Variants in PSD3 observed in about 807,000 individuals in gnomAD.
The protein encoded by PSD3 is PH and SEC7 domain-containing protein 3.
A neutral mutation model predicts 105.5 loss-of-function variants in PSD3; 49 were observed. The observed-to-expected ratio is 0.46, with a 90% CI of 0.37 to 0.59. The LOEUF (loss-of-function observed/expected upper bound fraction) is 0.59, where lower values mean the gene tolerates loss of function less well. Among genes scored for constraint, PSD3 ranks in the 20% least tolerant of loss-of-function variants. The pLI is 0.00. For synonymous variants in PSD3, 557 were observed against 457.8 expected (o/e 1.22, Z -2.77); for missense variants, 1,561 against 1,263.8 (o/e 1.24, Z -3.57).
chr8:18,691,616 A>T (rs1800977619), intron 9 of PSD3, among the ~76,000 whole-genome samples: 2 of 152,268 alleles, frequency 1.3e-5, no homozygotes. Context: ...CTGTTCATCC[A>T]GATGAGTAAA....
At chr8:18,994,035 T>C (rs967305644) in intron 1 of PSD3, among the ~76,000 whole-genome samples, 1 of 151,980 alleles carries the variant, frequency 6.6e-6, no homozygotes, top group Admixed American at 6.6e-5. Context: ...GGAACCGGAC[T>C]GACTAGAGTT....
chr8:18,795,907 C>T (rs1810135346), intron 8 of PSD3, among the ~76,000 whole-genome samples: 1 of 151,988 alleles, frequency 6.6e-6, no homozygotes, highest in Non-Finnish European at 1.5e-5. Flanking sequence ...AACTTAGTTC[C>T]AATATAGCAA....
intron 14 of PSD3, among the ~76,000 whole-genome samples, chr8:18,570,901 C>T (rs1475917166): frequency 2.0e-5 from 3 of 148,748 alleles, no homozygotes; most frequent in African/African-American, 7.5e-5. Context: ...GCTCTGTCGC[C>T]CAGGCTGGAA....
At chr8:18,684,667 G>A (rs1250204638) in intron 9 of PSD3, among the ~76,000 whole-genome samples, 1 of 152,180 alleles carries the variant, frequency 6.6e-6, no homozygotes, top group Non-Finnish European at 1.5e-5. Flanking sequence ...GATATTTCAA[G>A]AGGAATTATG....
chr8:18,600,351 G>A lies in PSD3; in HGVS notation c.2481+13C>T. 1 of 1,603,122 alleles carries A rather than the reference G, an allele frequency of 6.2e-7. No individual in the cohort carries two copies. Among genetic ancestry groups the A allele is most frequent in the Non-Finnish European group, 8.5e-7 (1 of 1,171,392 alleles). The stretch of plus-strand genomic sequence containing the variant: ...ATCGAGTTTTGTGGATTTTTTATCT[G>A]CTTTACTTTTACCTTTTGCAAGTAA... On this transcript the variant is annotated intron_variant, in intron 12 of 15. Coordinates refer to ENST00000327040, the MANE Select transcript of PSD3 (RefSeq NM_015310.4).
At chr8:18,728,805 TTTTGAAAAATA>T (rs61162948) in intron 9 of PSD3, among the ~76,000 whole-genome samples, 142,773 of 152,120 alleles carry the variant, frequency 0.94, 67,098 homozygotes, top group African/African-American at 0.96. Context: ...TATATGTCAA[TTTTGAAAAATA>T]TAAAACTTTT....
At chr8:19,023,517 C>T (rs1354743451) in intron 1 of PSD3, among the ~76,000 whole-genome samples, 2 of 151,962 alleles carry the variant, frequency 1.3e-5, no homozygotes, top group Non-Finnish European at 2.9e-5. Context: ...CAGCCTTGAC[C>T]TCCTGTGGAC....
chr8:18,964,989 C>A (rs1392687226), intron 1 of PSD3, among the ~76,000 whole-genome samples: 1 of 152,184 alleles, frequency 6.6e-6, no homozygotes, highest in African/African-American at 2.4e-5. Flanking sequence ...CCAACTTATT[C>A]TTCACTGAAT....
chr8:19,025,981 C>T (rs1827537336), intron 1 of PSD3, among the ~76,000 whole-genome samples: 1 of 152,140 alleles, frequency 6.6e-6, no homozygotes, highest in Admixed American at 6.5e-5. Context: ...GGAGACCTCA[C>T]AATCATGGCA....
chr8:18,572,689 T>G lies in PSD3; in HGVS notation c.2640-17A>C. The G allele has an allele frequency of 6.2e-7, 1 of 1,611,940 alleles. No homozygotes were observed. The highest frequency in any genetic ancestry group is 8.5e-7 in the Non-Finnish European group (1 of 1,178,376). ...TCTGGGCTCCTATGAGAAATAGATA[T>G]GTTTATATCAGGATATTGCCATGTC... On this transcript the variant is annotated splice_polypyrimidine_tract_variant and intron_variant, in intron 13 of 15. Transcript: ENST00000327040.
intron 9 of PSD3, among the ~76,000 whole-genome samples, chr8:18,669,061 C>A (rs1161985498): frequency 1.3e-5 from 2 of 152,212 alleles, no homozygotes; most frequent in Admixed American, 6.5e-5. Context: ...TAACACATCA[C>A]TGACTATTTA....
intron 15 of PSD3, among the ~76,000 whole-genome samples, chr8:18,545,003 G>A (rs1160358947): frequency 6.6e-6 from 1 of 152,118 alleles, no homozygotes; most frequent in Non-Finnish European, 1.5e-5. Context: ...TTTTACCTTT[G>A]AATAACAACA....
At chr8:18,791,992 G>A (rs188634248) in intron 8 of PSD3, among the ~76,000 whole-genome samples, 10 of 152,164 alleles carry the variant, frequency 6.6e-5, no homozygotes, top group South Asian at 2.1e-4. Context: ...GATCAATATC[G>A]CAAATCAAAA....
intron 8 of PSD3, among the ~76,000 whole-genome samples, chr8:18,778,613 T>G (rs1264367834): frequency 6.6e-6 from 1 of 151,898 alleles, no homozygotes; most frequent in Non-Finnish European, 1.5e-5. Context: ...TTTACTATGA[T>G]GTGTTCTTTC....
intron 10 of PSD3, among the ~76,000 whole-genome samples, chr8:18,635,489 A>C (rs990972990): frequency 6.6e-6 from 1 of 152,138 alleles, no homozygotes; most frequent in African/African-American, 2.4e-5. Flanking sequence ...AACACTTACC[A>C]TACTATGCTT....
Position 18,806,701 on chromosome 8 carries a change from G to C in PSD3, c.1635-1803C>G, listed in dbSNP as rs572463479. On this transcript the variant is annotated intron_variant, in intron 4 of 15. Coordinates refer to ENST00000327040, the MANE Select transcript of PSD3 (RefSeq NM_015310.4). ...CTTAAAAAACCTAAGAGCCATGCCAGCTGGGCTGAATTGGGCCCATGGATG... is the reference window on the plus strand; with the variant it reads ...CTTAAAAAACCTAAGAGCCATGCCACCTGGGCTGAATTGGGCCCATGGATG... 2.2e-3 allele frequency among the ~76,000 whole-genome samples: 339 copies of C among 152,318 alleles called. 3 individuals carry two copies. Among genetic ancestry groups the C allele is most frequent in the African/African-American group, 7.2e-3 (301 of 41,560 alleles).
At chr8:18,766,713 G>C (rs73199980) in intron 8 of PSD3, among the ~76,000 whole-genome samples, 3,322 of 152,280 alleles carry the variant, frequency 0.022, 59 homozygotes, top group Middle Eastern at 0.051. Flanking sequence ...CTGGGTGAGA[G>C]ACAAGGTATT....
At chr8:18,574,284 C>T (rs1802341556) in intron 13 of PSD3, among the ~76,000 whole-genome samples, 1 of 152,144 alleles carries the variant, frequency 6.6e-6, no homozygotes, top group South Asian at 2.1e-4. Context: ...CTCTCTGGCT[C>T]CATTATTATT....
intron 1 of PSD3, among the ~76,000 whole-genome samples, chr8:18,966,586 C>T (rs1255635356): frequency 6.8e-6 from 1 of 146,584 alleles, no homozygotes; most frequent in African/African-American, 2.5e-5. Context: ...AAAAAAAAAA[C>T]CAAAAAACAC....
Sources: allele counts gnomAD v4.1 joint callset (sites outside exome capture counted in the v4.1 genomes callset), GRCh38; gene constraint gnomAD v4.1.1; transcripts MANE v1.5; gene names NCBI Gene and HGNC (gene_info 2026-07-23, HGNC 2026-07-21).